The following PAX7 variants were observed in gnomAD, a reference collection of about 807,000 sequenced individuals.
The protein encoded by PAX7 is paired box 7, also known as paired box protein Pax-7.
In PAX7, 18 loss-of-function variants were observed where a neutral mutation model predicts 50.7. That is an observed-to-expected ratio of 0.36 (90% confidence interval 0.25 to 0.53). The LOEUF (loss-of-function observed/expected upper bound fraction) is 0.53, where lower values mean the gene tolerates loss of function less well. PAX7 is among the 20% of genes least tolerant of loss of function. The pLI is 0.93. For synonymous variants in PAX7, 310 were observed against 290.4 expected (o/e 1.07, Z -0.69); for missense variants, 644 against 702.9 (o/e 0.92, Z 0.95).
intron 7 of PAX7, among the ~76,000 whole-genome samples, chr1:18,725,357 G>A (rs1393526833): frequency 1.4e-5 from 2 of 147,476 alleles, no homozygotes; most frequent in African/African-American, 2.5e-5. Flanking sequence ...GAGCCCAGAC[G>A]TCCTCCTTTT....
intron 7 of PAX7, among the ~76,000 whole-genome samples, chr1:18,705,370 C>T (rs1035860108): frequency 2.6e-5 from 4 of 152,182 alleles, no homozygotes; most frequent in African/African-American, 4.8e-5. Context: ...AGGGTCCAGG[C>T]GTGGCTTGGT....
intron 7 of PAX7, among the ~76,000 whole-genome samples, chr1:18,733,603 A>AC (rs2089674060): frequency 6.6e-6 from 1 of 151,330 alleles, no homozygotes; most frequent in South Asian, 2.1e-4. Flanking sequence ...AGGAGGGGAG[A>AC]CCCCCAGGGC....
chr1:18,708,899 A>G (rs501080), intron 7 of PAX7, among the ~76,000 whole-genome samples: 116,142 of 152,002 alleles, frequency 0.76, 44,567 homozygotes, highest in Middle Eastern at 0.81. Flanking sequence ...ACAGGTGGGG[A>G]AGACAGGCAT....
rs777856039 is a variant in PAX7 at position 18,635,158 on chromosome 1, G to A, written c.369G>A (p.Arg123=). Reference sequence around the variant, plus strand: ...AGAAAAAGATTGAGGAGTACAAGAGGGAAAACCCAGGCATGTTCAGCTGGG... The same window carrying A: ...AGAAAAAGATTGAGGAGTACAAGAGAGAAAACCCAGGCATGTTCAGCTGGG... ...DVEKKIEEYK[R]ENPGMFSWEI... Residue 123 remains arginine, a synonymous_variant, in exon 3 of 9, where the codon AGG becomes AGA. Transcript: ENST00000420770. The A allele has an allele frequency of 6.2e-7, 1 of 1,613,942 alleles. No individual in the cohort carries two copies. The highest frequency in any genetic ancestry group is 1.7e-5 in the Admixed American group (1 of 60,000).
At chr1:18,727,365 C>CTCTG (rs2089586531) in intron 7 of PAX7, among the ~76,000 whole-genome samples, 2 of 117,080 alleles carry the variant, frequency 1.7e-5, no homozygotes, top group South Asian at 2.9e-4. Context: ...CTCTCTCTCT[C>CTCTG]TCTCATACAC....
intron 8 of PAX7, among the ~76,000 whole-genome samples, chr1:18,739,075 C>T (rs1424880819): frequency 2.0e-5 from 3 of 152,242 alleles, no homozygotes; most frequent in Non-Finnish European, 4.4e-5. Flanking sequence ...TCCCTTAACA[C>T]CTGCCCTCTG....
intron 8 of PAX7, among the ~76,000 whole-genome samples, chr1:18,740,050 T>C (rs1240441494): frequency 2.0e-5 from 3 of 152,112 alleles, no homozygotes; most frequent in Non-Finnish European, 4.4e-5. Context: ...CCACCACATC[T>C]CCTGCCAACT....
At chr1:18,641,521 G>T (rs765028997) in intron 4 of PAX7, among the ~76,000 whole-genome samples, 12 of 152,224 alleles carry the variant, frequency 7.9e-5, no homozygotes, top group Non-Finnish European at 1.6e-4. Context: ...GGGGTCCCCC[G>T]CTGCGAGGGC....
At chr1:18,714,337 G>A (rs1340323784) in intron 7 of PAX7, among the ~76,000 whole-genome samples, 35 of 152,110 alleles carry the variant, frequency 2.3e-4, no homozygotes, top group Admixed American at 2.3e-3. Context: ...TGTGAAATGG[G>A]GCCTCTGCCA....
intron 4 of PAX7, among the ~76,000 whole-genome samples, chr1:18,680,815 G>A (rs1044773672): frequency 2.6e-5 from 4 of 152,184 alleles, no homozygotes; most frequent in African/African-American, 9.7e-5. Context: ...AGAAGTGAAT[G>A]AGAACTAGTG....
intron 4 of PAX7, among the ~76,000 whole-genome samples, chr1:18,664,467 G>C (rs1391404368): frequency 1.3e-5 from 2 of 152,174 alleles, no homozygotes; most frequent in Non-Finnish European, 2.9e-5. Flanking sequence ...AGGGAGGAGG[G>C]CGAGGCAGCC....
Position 18,726,171 on chromosome 1 carries a change from T to C in PAX7, c.1156-9461T>C, listed in dbSNP as rs972104943. On this transcript the variant is annotated intron_variant, in intron 7 of 8. Coordinates refer to ENST00000420770, the MANE Select transcript of PAX7 (RefSeq NM_001135254.2). The surrounding 1 kb of genome is among the most constrained non-coding windows in gnomAD (Gnocchi z 4.8). ...GTGTGTGTGTGTGTGTGTGTGTGTG[T>C]GTGTGTGTCTTTGACTTCTTGGACA... Among the ~76,000 whole-genome samples the C allele has an allele frequency of 6.6e-6, 1 of 151,252 alleles. No homozygotes were observed. Among genetic ancestry groups the C allele is most frequent in the Non-Finnish European group, 1.5e-5 (1 of 67,862 alleles).
chr1:18,646,625 C>T (rs558513618), intron 4 of PAX7, among the ~76,000 whole-genome samples: 1 of 152,166 alleles, frequency 6.6e-6, no homozygotes, highest in Non-Finnish European at 1.5e-5. Context: ...GCACAGTCCC[C>T]GCTCGCGCCT....
intron 7 of PAX7, among the ~76,000 whole-genome samples, chr1:18,718,171 C>T (rs955993308): frequency 2.0e-5 from 3 of 152,218 alleles, no homozygotes; most frequent in Admixed American, 6.5e-5. Flanking sequence ...AGGAGGCACA[C>T]GTCCTGTGGA....
At chr1:18,651,231 A>G (rs2088425247) in intron 4 of PAX7, among the ~76,000 whole-genome samples, 1 of 152,190 alleles carries the variant, frequency 6.6e-6, no homozygotes, top group African/African-American at 2.4e-5. Flanking sequence ...GAAAGACCTG[A>G]AAGTGATTTG....
At chr1:18,658,942 G>A (rs906491426) in intron 4 of PAX7, among the ~76,000 whole-genome samples, 1 of 152,164 alleles carries the variant, frequency 6.6e-6, no homozygotes, top group African/African-American at 2.4e-5. Context: ...GTGCATATGT[G>A]TGTGTGCATG....
At chr1:18,727,955 T>C (rs1448575400) in intron 7 of PAX7, among the ~76,000 whole-genome samples, 2 of 149,354 alleles carry the variant, frequency 1.3e-5, no homozygotes, top group East Asian at 2.0e-4. Flanking sequence ...CTATTACCGC[T>C]GTCCACAGGG....
chr1:18,727,359 C>CTCTT lies in PAX7; in HGVS notation c.1156-8270_1156-8269insTTCT, dbSNP rs2089586169. Among the ~76,000 whole-genome samples the CTCTT allele has an allele frequency of 6.5e-5, 8 of 123,058 alleles. No homozygotes were observed. In the South Asian group the frequency reaches 1.9e-3, roughly 30 times the overall value. The allele number at this position is 123,058 out of a possible 152,430, so 80.7% of individuals were successfully genotyped here. The stretch of plus-strand genomic sequence containing the variant: ...GCACACACTCTCTCATCCTCTCTCT[C>CTCTT]TCTCTCTCTCATACACACACACACA... On this transcript the variant is annotated intron_variant, in intron 7 of 8. Transcript: ENST00000420770.
rs114542432 is a variant in PAX7, at chr1:18,639,085, G to C, written c.586+2714G>C. On this transcript the variant is annotated intron_variant, in intron 4 of 8. Coordinates refer to ENST00000420770, the MANE Select transcript of PAX7 (RefSeq NM_001135254.2). ...AGAGCTCTCCTCTTTAAGCACTAAA[G>C]AGAGATCCCTCCCTGAGTCCGTTTT... Among the ~76,000 whole-genome samples, 321 of 152,296 alleles carry C rather than the reference G, an allele frequency of 2.1e-3. 1 individual carries two copies. The highest frequency in any genetic ancestry group is 7.3e-3 in the African/African-American group (303 of 41,564).
Sources: gnomAD v4.1 joint callset for allele counts (sites outside exome capture counted in the v4.1 genomes callset) on GRCh38, gnomAD v4.1.1 for gene constraint, Gnocchi (gnomAD v3.1) non-coding constraint, MANE v1.5 for transcripts, NCBI Gene and HGNC (gene_info 2026-07-23, HGNC 2026-07-21) for gene names.